The following ARL6 variants were observed in gnomAD, a reference collection of about 807,000 sequenced individuals.
ARL6 encodes ARF like GTPase 6, also known as ADP-ribosylation factor-like protein 6.
Under a neutral mutation model 27.1 loss-of-function variants are expected in ARL6, and 18 were observed. The ratio of observed to expected loss-of-function variants is 0.66; its 90% CI spans 0.46 to 0.98. The LOEUF (loss-of-function observed/expected upper bound fraction) is 0.98, where lower values mean the gene tolerates loss of function less well. Ranked by LOEUF, ARL6 falls within the 50% of genes least tolerant of loss-of-function variation. ARL6 has a pLI of 0.00. For missense variants in ARL6, 187 were observed against 214.9 expected (o/e 0.87, Z 0.81); for synonymous variants, 65 against 72.3 (o/e 0.90, Z 0.51).
chr3:97,779,478 A>G (rs2037074707), intron 2 of ARL6, among the ~76,000 whole-genome samples: 2 of 152,076 alleles, frequency 1.3e-5, no homozygotes, highest in Non-Finnish European at 1.5e-5. Context: ...ATTGTGTTCT[A>G]TTTACATCTT....
chr3:97,796,664 A>G (rs532494590), intron 7 of ARL6, among the ~76,000 whole-genome samples: 3 of 152,304 alleles, frequency 2.0e-5, no homozygotes, highest in African/African-American at 7.2e-5. Flanking sequence ...TATCATTACT[A>G]AAATGCAGTG....
chr3:97,795,564 C>T (rs1362572188), intron 7 of ARL6, among the ~76,000 whole-genome samples: 1 of 151,936 alleles, frequency 6.6e-6, no homozygotes, highest in Non-Finnish European at 1.5e-5. Context: ...AAAATGGCAA[C>T]CAAATTTTGG....
chr3:97,779,734 C>T (rs1049221739), intron 2 of ARL6, among the ~76,000 whole-genome samples: 20 of 151,870 alleles, frequency 1.3e-4, no homozygotes, highest in Non-Finnish European at 2.4e-4. Context: ...GGCGTGGTGG[C>T]GGGCGCCTGT....
In ARL6 at chr3:97,800,985, G is replaced by T. The variant is rs959311840; in HGVS notation, c.*2936G>T. 2 of 152,134 alleles carry T rather than the reference G, an allele frequency of 1.3e-5. No homozygotes were observed. Among genetic ancestry groups the T allele is most frequent in the African/African-American group, 4.8e-5 (2 of 41,418 alleles). The allele number at this position is 152,134 out of a possible 1,614,324, so 9.4% of individuals were successfully genotyped here. ...AATATCATCACATGTCATCACATAG[G>T]GGGTTAGAATTTCAACATAGAAATT... is the stretch of plus-strand genomic sequence containing the variant. On this transcript the variant is annotated 3_prime_UTR_variant, in exon 8 of 8. Coordinates refer to ENST00000463745, the MANE Select transcript of ARL6 (RefSeq NM_001278293.3).
intron 6 of ARL6, among the ~76,000 whole-genome samples, chr3:97,790,761 A>C (rs1437288403): frequency 1.3e-5 from 2 of 152,084 alleles, no homozygotes; most frequent in East Asian, 3.8e-4. Flanking sequence ...GATAAGCCAT[A>C]TTCTTAGTCT....
At chr3:97,795,869 GAAA>G (rs1027317417) in intron 7 of ARL6, among the ~76,000 whole-genome samples, 11 of 151,992 alleles carry the variant, frequency 7.2e-5, no homozygotes, top group African/African-American at 2.7e-4. Flanking sequence ...GAAAAATGAG[GAAA>G]AAAAGTTTTC....
intron 2 of ARL6, among the ~76,000 whole-genome samples, chr3:97,775,564 A>C (rs1357189914): frequency 6.6e-6 from 1 of 152,090 alleles, no homozygotes; most frequent in Non-Finnish European, 1.5e-5. Flanking sequence ...TCAAATGTTA[A>C]TCTCCTTTAG....
At chr3:97,779,016 G>A (rs2037047370) in intron 2 of ARL6, among the ~76,000 whole-genome samples, 1 of 152,142 alleles carries the variant, frequency 6.6e-6, no homozygotes, top group Non-Finnish European at 1.5e-5. Flanking sequence ...TAGTTTTTCT[G>A]ATGAAAGTGC....
intron 2 of ARL6, among the ~76,000 whole-genome samples, chr3:97,769,293 C>A (rs1472819066): frequency 6.6e-6 from 1 of 151,840 alleles, no homozygotes; most frequent in African/African-American, 2.4e-5. Context: ...AATCTGATCG[C>A]TTTTTTCAAG....
intron 2 of ARL6, among the ~76,000 whole-genome samples, chr3:97,779,033 G>C (rs1483099052): frequency 6.6e-6 from 1 of 152,136 alleles, no homozygotes; most frequent in Non-Finnish European, 1.5e-5. Flanking sequence ...GTGCTAGGAG[G>C]CATTTAACAA....
chr3:97,768,982 C>T (rs2107982371), intron 2 of ARL6, among the ~76,000 whole-genome samples: 1 of 152,102 alleles, frequency 6.6e-6, no homozygotes, highest in South Asian at 2.1e-4. Flanking sequence ...CTTCCTACAC[C>T]AAGCTCAAGA....
chr3:97,775,594 C>A (rs994123634), intron 2 of ARL6, among the ~76,000 whole-genome samples: 1 of 152,148 alleles, frequency 6.6e-6, no homozygotes, highest in Non-Finnish European at 1.5e-5. Flanking sequence ...CACAGACACA[C>A]CCAGGATCAA....
chr3:97,798,357 A>G lies in ARL6; in HGVS notation c.*308A>G, dbSNP rs2108116274. The G allele has an allele frequency of 4.8e-6, 1 of 209,752 alleles. No homozygotes were observed. Among genetic ancestry groups the G allele is most frequent in the East Asian group, 1.0e-4 (1 of 9,878 alleles). 13.0% of individuals were successfully genotyped at this position (209,752 alleles called of 1,614,324 possible). On this transcript the variant is annotated 3_prime_UTR_variant, in exon 8 of 8. Coordinates refer to ENST00000463745, the MANE Select transcript of ARL6 (RefSeq NM_001278293.3). ...CCATCTCATCCCATCATAATTTATG[A>G]TATGTTTAATATATTTTATTTTTTA...
Position 97,788,115 on chromosome 3 carries a change from A to G in ARL6, c.475A>G (p.Ile159Val). Residue 159 changes from isoleucine (I) to valine (V), a missense_variant, in exon 6 of 8, where the codon ATT (isoleucine) becomes GTT (valine). Coordinates refer to ENST00000463745, the MANE Select transcript of ARL6 (RefSeq NM_001278293.3). ...GAACATCAAAGATAAACCCTGGCAT[A>G]TTTGGTAAAGTTTTATATTTACTTT... ...LENIKDKPWH[I>V]CASDAIKGEG... 6.2e-7 allele frequency: 1 copy of G among 1,612,760 alleles called. No homozygotes were observed. The highest frequency in any genetic ancestry group is 8.5e-7 in the Non-Finnish European group (1 of 1,179,468).
intron 1 of ARL6, among the ~76,000 whole-genome samples, chr3:97,767,734 G>A (rs142104251): frequency 4.3e-4 from 65 of 152,104 alleles, no homozygotes; most frequent in African/African-American, 1.4e-3. Flanking sequence ...GAAAGGCTAC[G>A]GCCTAATTCT....
chr3:97,790,686 T>C (rs886613485), intron 6 of ARL6, among the ~76,000 whole-genome samples: 3 of 152,116 alleles, frequency 2.0e-5, no homozygotes, highest in Non-Finnish European at 4.4e-5. Flanking sequence ...AATAAGTAAT[T>C]TGCTTTGAAT....
chr3:97,798,163 C>A lies in ARL6; in HGVS notation c.*114C>A. ...ATCAAAAAATATAATTTTCTGCTTG[C>A]ATTTATGGACTCTGACCTTTTTAAG... On this transcript the variant is annotated 3_prime_UTR_variant, in exon 8 of 8. Transcript: ENST00000463745. 1 of 1,085,860 alleles carries A rather than the reference C, an allele frequency of 9.2e-7. No homozygotes were observed. The highest frequency in any genetic ancestry group is 1.4e-6 in the Non-Finnish European group (1 of 712,500). 67.3% of individuals were successfully genotyped at this position (1,085,860 alleles called of 1,614,324 possible).
At chr3:97,780,816 A>G in intron 4 of ARL6, 133 bp downstream of exon 4, 2 of 708,948 alleles carry the variant, frequency 2.8e-6, no homozygotes, top group Non-Finnish European at 4.9e-6. Context: ...CCTATTTTAA[A>G]AAATATGTAA....
chr3:97,788,191 T>G, intron 6 of ARL6, 72 bp downstream of exon 6: 1 of 1,494,284 alleles, frequency 6.7e-7, no homozygotes, highest in Non-Finnish European at 9.2e-7. Flanking sequence ...TTTCTTCTGA[T>G]CTCATTTTTT....
Sources: allele counts gnomAD v4.1 joint callset (sites outside exome capture counted in the v4.1 genomes callset), GRCh38; gene constraint gnomAD v4.1.1; transcripts MANE v1.5; gene names NCBI Gene and HGNC (gene_info 2026-07-23, HGNC 2026-07-21).